The following PHF24 variants were observed in gnomAD, a reference collection of about 807,000 sequenced individuals.
PHF24 encodes the protein PHD finger protein 24.
PHF24 carries 25 observed loss-of-function variants against 42.6 expected under a neutral mutation model. The ratio of observed to expected loss-of-function variants is 0.59; its 90% CI spans 0.43 to 0.82. The LOEUF is 0.82. PHF24 is among the 40% of genes least tolerant of loss of function. The pLI is 0.00. For synonymous variants in PHF24, 185 were observed against 204.8 expected (o/e 0.90, Z 0.83); for missense variants, 470 against 538.1 (o/e 0.87, Z 1.25).
the PHF24 span, among the ~76,000 whole-genome samples, chr9:34,806,089 G>A: frequency 6.6e-6 from 1 of 151,978 alleles, no homozygotes; most frequent in African/African-American, 2.4e-5. Flanking sequence ...ATCTATCCCT[G>A]TGCCAGTACC....
the PHF24 span, chr9:34,835,856 A>C: frequency 2.4e-6 from 3 of 1,232,224 alleles, no homozygotes; most frequent in Non-Finnish European, 3.5e-6. Context: ...CTCTGCTCAA[A>C]GGATACACTA....
the PHF24 span, among the ~76,000 whole-genome samples, chr9:34,924,803 C>A: frequency 6.6e-6 from 1 of 152,172 alleles, no homozygotes; most frequent in Non-Finnish European, 1.5e-5. Context: ...AGGACTGCTG[C>A]CATTTTGTTA....
the PHF24 span, among the ~76,000 whole-genome samples, chr9:34,696,763 G>T: frequency 2.2e-4 from 33 of 152,248 alleles, no homozygotes; most frequent in African/African-American, 7.9e-4. Context: ...AATCTTCCTT[G>T]GTGGCAGAGG....
the PHF24 span, among the ~76,000 whole-genome samples, chr9:34,752,071 A>G: frequency 1.3e-5 from 2 of 152,166 alleles, no homozygotes; most frequent in African/African-American, 4.8e-5. Flanking sequence ...GGGGAAGTTT[A>G]TAGCTATTAG....
At chr9:34,791,465 T>C in the PHF24 span, among the ~76,000 whole-genome samples, 59 of 152,084 alleles carry the variant, frequency 3.9e-4, no homozygotes, top group Admixed American at 3.8e-3. Flanking sequence ...GTTGCATATA[T>C]TACTATTGAA....
At chr9:34,701,988 C>G in the PHF24 span, among the ~76,000 whole-genome samples, 1 of 152,140 alleles carries the variant, frequency 6.6e-6, no homozygotes, top group South Asian at 2.1e-4. The surrounding 1 kb of genome is among the most constrained non-coding windows in gnomAD (Gnocchi z 5.8). Context: ...TCGCTCGCAC[C>G]CGATAGATAT....
chr9:34,723,890 G>A, the PHF24 span: 1 of 1,551,704 alleles, frequency 6.4e-7, no homozygotes, highest in South Asian at 1.2e-5. Context: ...CTTAAGCTGA[G>A]GGTGATGCTG....
chr9:34,832,221 A>T, the PHF24 span: 1 of 428,040 alleles, frequency 2.3e-6, no homozygotes, highest in African/African-American at 2.0e-5. Context: ...TGGGGAGCCT[A>T]TAAACTCTTT....
At chr9:34,712,514 C>T in the PHF24 span, among the ~76,000 whole-genome samples, 4 of 151,664 alleles carry the variant, frequency 2.6e-5, no homozygotes, top group African/African-American at 9.7e-5. Context: ...AATACTGATC[C>T]TTTTTTTTCT....
the PHF24 span, among the ~76,000 whole-genome samples, chr9:34,682,920 C>A: frequency 1.3e-5 from 2 of 152,284 alleles, no homozygotes; most frequent in East Asian, 3.9e-4. Flanking sequence ...GGCTGACCAC[C>A]TAACACTGGT....
At chr9:34,870,718 C>T in the PHF24 span, among the ~76,000 whole-genome samples, 26 of 152,110 alleles carry the variant, frequency 1.7e-4, no homozygotes, top group African/African-American at 5.8e-4. Context: ...CAGGTGCACA[C>T]CACTATTCAC....
the PHF24 span, among the ~76,000 whole-genome samples, chr9:34,704,613 C>A: frequency 6.6e-6 from 1 of 152,076 alleles, no homozygotes; most frequent in African/African-American, 2.4e-5. Context: ...GTGGGAGGAT[C>A]CCTTGAGCTC....
the PHF24 span, among the ~76,000 whole-genome samples, chr9:34,783,032 T>A: frequency 2.0e-5 from 3 of 152,216 alleles, no homozygotes; most frequent in African/African-American, 7.2e-5. Flanking sequence ...TTCTTATTTG[T>A]AGCATTGCTC....
chr9:34,691,754 C>T, the PHF24 span, among the ~76,000 whole-genome samples: 2 of 152,210 alleles, frequency 1.3e-5, no homozygotes, highest in Admixed American at 6.5e-5. Flanking sequence ...TGCCTGCCCA[C>T]TATGTGGGAA....
At chr9:34,797,098 T>A in the PHF24 span, among the ~76,000 whole-genome samples, 1 of 152,296 alleles carries the variant, frequency 6.6e-6, no homozygotes, top group South Asian at 2.1e-4. Flanking sequence ...ATAGCTTCCC[T>A]TGTCTCCCTC....
At chr9:34,824,639 CAA>C in the PHF24 span, among the ~76,000 whole-genome samples, 15 of 152,152 alleles carry the variant, frequency 9.9e-5, no homozygotes, top group African/African-American at 2.9e-4. Context: ...AGAATTTAGA[CAA>C]AGAGATAAAT....
chr9:34,849,697 C>T, the PHF24 span, among the ~76,000 whole-genome samples: 3 of 152,134 alleles, frequency 2.0e-5, no homozygotes, highest in East Asian at 1.9e-4. Context: ...TTCCTAGCCT[C>T]GATGGTCTTT....
At chr9:34,936,982 G>A in the PHF24 span, among the ~76,000 whole-genome samples, 2 of 146,862 alleles carry the variant, frequency 1.4e-5, no homozygotes, top group South Asian at 2.2e-4. Context: ...GGAGGTGGGG[G>A]TCAGCCCCCG....
At chr9:34,935,273 T>C in the PHF24 span, among the ~76,000 whole-genome samples, 1 of 152,110 alleles carries the variant, frequency 6.6e-6, no homozygotes, top group Non-Finnish European at 1.5e-5. Context: ...AATGAAAGTC[T>C]AATTGATGTG....
Sources: allele counts gnomAD v4.1 joint callset (sites outside exome capture counted in the v4.1 genomes callset), GRCh38; gene constraint gnomAD v4.1.1; non-coding constraint Gnocchi (gnomAD v3.1); transcripts MANE v1.5; gene names NCBI Gene and HGNC (gene_info 2026-07-23, HGNC 2026-07-21).